SEPTIN11: variants seen among roughly 807,000 people sequenced by gnomAD.
The protein encoded by SEPTIN11 is septin-11.
SEPTIN11 carries 25 observed loss-of-function variants against 51.4 expected under a neutral mutation model. The ratio of observed to expected loss-of-function variants is 0.49; its 90% confidence interval spans 0.35 to 0.68. SEPTIN11 has a LOEUF of 0.68. Ranked by LOEUF, SEPTIN11 falls within the 30% of genes least tolerant of loss-of-function variation. The probability of loss-of-function intolerance (pLI) is 0.00; values close to 1 mark genes in which losing one functional copy is unlikely to be tolerated. For missense variants in SEPTIN11, 381 were observed against 520.8 expected, an observed-to-expected ratio of 0.73 and a Z score of 2.61; for synonymous variants, 174 against 184.1, an observed-to-expected ratio of 0.95 and a Z score of 0.44.
chr4:77,021,391 TGTG>T (rs1454833213), intron 7 of SEPTIN11: 4 of 152,666 alleles, frequency 2.6e-5, no homozygotes, highest in Admixed American at 2.6e-4. Context: ...TGGGTAAAGT[TGTG>T]GGGTGAGGCT....
Position 77,005,589 on chromosome 4 carries a change from G to A in SEPTIN11, c.143-12G>A. The A allele has an allele frequency of 6.2e-7, 1 of 1,602,372 alleles. No homozygotes were observed. Among genetic ancestry groups the A allele is most frequent in the Non-Finnish European group, 8.5e-7 (1 of 1,173,636 alleles). On this transcript the variant is annotated splice_polypyrimidine_tract_variant and intron_variant, in intron 2 of 9. Coordinates refer to ENST00000264893, the MANE Select transcript of SEPTIN11 (RefSeq NM_018243.4). ...TGACACATTCTCTGATTTTTCTTTT[G>A]TGGTTATGTAGGTGAGACAGGCATT...
intron 5 of SEPTIN11, among the ~76,000 whole-genome samples, chr4:77,016,641 T>TATATATACAC (rs1553975102): frequency 8.2e-5 from 8 of 97,102 alleles, no homozygotes; most frequent in South Asian, 3.7e-4. Flanking sequence ...CACATATATA[T>TATATATACAC]ATATATATAT....
At chr4:76,996,363 A>C in intron 1 of SEPTIN11, 62 bp from the exon 2 acceptor site, 1 of 1,108,672 alleles carries the variant, frequency 9.0e-7, no homozygotes, top group African/African-American at 1.5e-5. Flanking sequence ...AATGTTTGTG[A>C]TATGTGATAT....
rs144775542 is a variant in SEPTIN11, at chr4:77,003,649, C to T, written c.143-1952C>T. ...TCCTATAAGTGAATCATCATAGTTA[C>T]AGGCAAGCCATATAAGGCTTTTCTA... On this transcript the variant is annotated intron_variant, in intron 2 of 9. Coordinates refer to ENST00000264893, the MANE Select transcript of SEPTIN11 (RefSeq NM_018243.4). 2.4e-3 allele frequency among the ~76,000 whole-genome samples: 360 copies of T among 152,312 alleles called. 1 individual carries two copies. Among genetic ancestry groups the T allele is most frequent in the African/African-American group, 8.2e-3 (341 of 41,570 alleles).
intron 5 of SEPTIN11, 150 bp from the exon 6 acceptor site, chr4:77,019,015 G>T (rs1407369461): frequency 1.6e-6 from 1 of 624,570 alleles, no homozygotes; most frequent in Non-Finnish European, 2.9e-6. Flanking sequence ...AAGGGGGGTG[G>T]GATACGTGAC....
Position 76,949,832 on chromosome 4 carries a change from G to T in SEPTIN11, c.-72G>T. The T allele has an allele frequency of 6.8e-7, 1 of 1,475,844 alleles. No homozygotes were observed. The highest frequency in any genetic ancestry group is 1.2e-5 in the South Asian group (1 of 80,764). The allele number at this position is 1,475,844 out of a possible 1,614,324, so 91.4% of individuals were successfully genotyped here. ...GGAGGCGCGAGGGAGGCGAGCCGGA[G>T]CCCGAGCACTAGCAGCAGCCGGAGT... On this transcript the variant is annotated 5_prime_UTR_variant, in exon 1 of 10. Coordinates refer to ENST00000264893, the MANE Select transcript of SEPTIN11 (RefSeq NM_018243.4).
At chr4:76,962,747 C>T (rs985009320) in intron 1 of SEPTIN11, among the ~76,000 whole-genome samples, 1 of 152,154 alleles carries the variant, frequency 6.6e-6, no homozygotes, top group African/African-American at 2.4e-5. Context: ...ATTTGGGAAG[C>T]AAAATAAGCT....
chr4:76,968,544 T>C (rs1243547095), intron 1 of SEPTIN11, among the ~76,000 whole-genome samples: 1 of 152,186 alleles, frequency 6.6e-6, no homozygotes, highest in African/African-American at 2.4e-5. Context: ...TTAGAAAACA[T>C]CTTTCTAAAA....
intron 2 of SEPTIN11, among the ~76,000 whole-genome samples, chr4:76,999,548 A>T (rs1238268796): frequency 2.6e-5 from 4 of 151,234 alleles, no homozygotes; most frequent in African/African-American, 7.4e-5. Context: ...AATTAAGGAT[A>T]AAAAAAATAA....
intron 7 of SEPTIN11, among the ~76,000 whole-genome samples, chr4:77,025,650 G>C (rs1020784912): frequency 1.3e-5 from 2 of 152,160 alleles, no homozygotes; most frequent in Admixed American, 6.5e-5. Context: ...AGGGCTTGTG[G>C]TATCTCTAGT....
At chr4:76,957,535 A>G (rs1721615555) in intron 1 of SEPTIN11, among the ~76,000 whole-genome samples, 1 of 152,228 alleles carries the variant, frequency 6.6e-6, no homozygotes, top group Admixed American at 6.5e-5. Context: ...GTACACACAC[A>G]GTGCTTACAC....
At chr4:77,032,850 C>G (rs1250885096) in intron 9 of SEPTIN11, among the ~76,000 whole-genome samples, 2 of 152,182 alleles carry the variant, frequency 1.3e-5, no homozygotes, top group Non-Finnish European at 2.9e-5. Context: ...TAACAAACTT[C>G]CCAGTGTAGG....
chr4:77,031,490 T>C (rs567336074), intron 9 of SEPTIN11: 1 of 152,632 alleles, frequency 6.6e-6, no homozygotes, highest in Admixed American at 6.5e-5. Context: ...GGGATCCAAA[T>C]GCCTATCCAG....
In SEPTIN11 at chr4:77,038,106, G is replaced by A. The variant is rs1727157845; in HGVS notation, c.*3594G>A. 1.0e-6 allele frequency: 1 copy of A among 985,738 alleles called. No homozygotes were observed. Among genetic ancestry groups the A allele is most frequent in the African/African-American group, 1.7e-5 (1 of 57,218 alleles). The allele number at this position is 985,738 out of a possible 1,614,324, so 61.1% of individuals were successfully genotyped here. On this transcript the variant is annotated 3_prime_UTR_variant, in exon 10 of 10. Coordinates refer to ENST00000264893, the MANE Select transcript of SEPTIN11 (RefSeq NM_018243.4). ...TTGCTTTGCCATTTGCAAGAGTCTGGAATTGTCAGGTCTCAGCTTCGAAAA... is the reference window on the plus strand; with the variant it reads ...TTGCTTTGCCATTTGCAAGAGTCTGAAATTGTCAGGTCTCAGCTTCGAAAA...
intron 1 of SEPTIN11, chr4:76,987,849 A>G: frequency 1.0e-6 from 1 of 980,770 alleles, no homozygotes; most frequent in Non-Finnish European, 1.2e-6. Context: ...CCTCAGAAAA[A>G]GACATGACCT....
intron 1 of SEPTIN11, among the ~76,000 whole-genome samples, chr4:76,978,354 C>G (rs1485774008): frequency 6.6e-6 from 1 of 152,190 alleles, no homozygotes; most frequent in Non-Finnish European, 1.5e-5. Context: ...ACCTACCTCT[C>G]CAGCGATTTC....
rs922898454 is a variant in SEPTIN11 at position 76,984,966 on chromosome 4, A to T, written c.28-11459A>T. 4.6e-5 allele frequency: 7 copies of T among 152,368 alleles called. No homozygotes were observed. The highest frequency in any genetic ancestry group is 3.3e-4 in the Admixed American group (5 of 15,304). The allele number at this position is 152,368 out of a possible 1,614,324, so 9.4% of individuals were successfully genotyped here. ...GGGCCAGTGCGAAAGAGCAGCTGCAACATCTGTTTCTAATTGGGTCGTGCC... is the reference window on the plus strand; with the variant it reads ...GGGCCAGTGCGAAAGAGCAGCTGCATCATCTGTTTCTAATTGGGTCGTGCC... On this transcript the variant is annotated intron_variant, in intron 1 of 9. Coordinates refer to ENST00000264893, the MANE Select transcript of SEPTIN11 (RefSeq NM_018243.4). This position sits in a 1 kb window ranked among gnomAD's most constrained non-coding sequence, Gnocchi z 4.1.
At chr4:76,997,980 G>A (rs557917867) in intron 2 of SEPTIN11, among the ~76,000 whole-genome samples, 1 of 152,228 alleles carries the variant, frequency 6.6e-6, no homozygotes, top group South Asian at 2.1e-4. Context: ...AAAGCCTTCT[G>A]GTGGGATCCT....
At chr4:77,031,072 A>G (rs1726593290) in intron 9 of SEPTIN11, 102 bp downstream of exon 9, 1 of 1,107,940 alleles carries the variant, frequency 9.0e-7, no homozygotes, top group Non-Finnish European at 1.3e-6. Context: ...GTCCTTTACC[A>G]GAAAGATAAA....
Sources: allele counts gnomAD v4.1 joint callset (sites outside exome capture counted in the v4.1 genomes callset), GRCh38; gene constraint gnomAD v4.1.1; non-coding constraint Gnocchi (gnomAD v3.1); transcripts MANE v1.5; gene names NCBI Gene and HGNC (gene_info 2026-07-23, HGNC 2026-07-21).